Variants in FBXW2 observed in about 807,000 individuals in gnomAD.
The protein encoded by FBXW2 is F-box/WD repeat-containing protein 2.
A neutral mutation model predicts 46.0 loss-of-function variants in FBXW2; 12 were observed. That is an observed-to-expected ratio of 0.26 (90% CI 0.17 to 0.42). FBXW2 has a LOEUF of 0.42. Among genes scored for constraint, FBXW2 ranks in the 10% least tolerant of loss-of-function variants. FBXW2 has a pLI of 1.00. For missense variants in FBXW2, 360 were observed against 537.0 expected (o/e 0.67, Z 3.26); for synonymous variants, 203 against 209.6 (o/e 0.97, Z 0.27).
chr9:120,758,918 A>G lies in FBXW2; in HGVS notation c.*5641T>C, dbSNP rs1413832884. ...GCAAAATGGGACTTTTACCCACCCCATCCCTTCATTTGCAACTATTCATGA... is the reference window on the plus strand; with the variant it reads ...GCAAAATGGGACTTTTACCCACCCCGTCCCTTCATTTGCAACTATTCATGA... On this transcript the variant is annotated 3_prime_UTR_variant, in exon 8 of 8. Transcript: ENST00000608872. 2.6e-5 allele frequency: 4 copies of G among 152,142 alleles called. No individual in the cohort carries two copies. The highest frequency in any genetic ancestry group is 9.7e-5 in the African/African-American group (4 of 41,430). The allele number at this position is 152,142 out of a possible 1,614,324, so 9.4% of individuals were successfully genotyped here. A position where few individuals can be genotyped will look rare whatever the true frequency, so the allele number is the denominator to read the frequency against.
In FBXW2 at chr9:120,770,133, T is replaced by C. The variant is rs1050057797; in HGVS notation, c.1076+1215A>G. Among the ~76,000 whole-genome samples, 3 of 152,054 alleles carry C rather than the reference T, an allele frequency of 2.0e-5. No individual in the cohort carries two copies. In the East Asian group the frequency reaches 5.8e-4, roughly 29 times the overall value. Reference sequence around the variant, plus strand: ...GGCTCACGCATGTAATCCCAGCACTTTGGGAGGCCGAGGCGGGTGGATCAC... The same window carrying C: ...GGCTCACGCATGTAATCCCAGCACTCTGGGAGGCCGAGGCGGGTGGATCAC... On this transcript the variant is annotated intron_variant, in intron 7 of 7. Transcript: ENST00000608872.
chr9:120,789,908 TTC>T (rs1261228976), intron 2 of FBXW2, among the ~76,000 whole-genome samples: 1 of 152,232 alleles, frequency 6.6e-6, no homozygotes, highest in African/African-American at 2.4e-5. Flanking sequence ...GATAATACGT[TTC>T]AAGCCAAAGT....
intron 7 of FBXW2, 137 bp downstream of exon 7, chr9:120,771,211 C>G (rs1281723759): frequency 1.4e-6 from 1 of 698,188 alleles, no homozygotes; most frequent in East Asian, 2.8e-5. Context: ...GTATATATAA[C>G]CCTGTTTACA....
intron 3 of FBXW2, among the ~76,000 whole-genome samples, chr9:120,786,405 C>T (rs1361596917): frequency 2.0e-5 from 3 of 152,210 alleles, no homozygotes; most frequent in African/African-American, 4.8e-5. Flanking sequence ...GCTTCCCCTT[C>T]GCCTTCCGCC....
In FBXW2 at chr9:120,778,491, T is replaced by A; in HGVS notation, c.545A>T (p.Tyr182Phe). Reference protein sequence around the residue: ...LWDVSTGQCVYGIQTHTCAAV... With the variant: ...LWDVSTGQCVFGIQTHTCAAV... ...TGCACAAGTGTGGGTCTGGATGCCA[T>A]AAACGCACTGCCCTGTGCTCACATC... Residue 182 changes from tyrosine to phenylalanine, a missense_variant, in exon 4 of 8, where the codon TAT (tyrosine) becomes TTT (phenylalanine). Transcript: ENST00000608872. 3.1e-6 allele frequency: 5 copies of A among 1,614,100 alleles called. No homozygotes were observed. The highest frequency in any genetic ancestry group is 4.2e-6 in the Non-Finnish European group (5 of 1,180,016).
At chr9:120,765,091 CAA>C (rs991423666) in intron 7 of FBXW2, among the ~76,000 whole-genome samples, 9 of 149,414 alleles carry the variant, frequency 6.0e-5, no homozygotes, top group Non-Finnish European at 1.0e-4. Context: ...GGTGTTTGAT[CAA>C]AGTTTTTTTT....
At chr9:120,780,354 CAAAAA>C (rs564191309) in intron 3 of FBXW2, among the ~76,000 whole-genome samples, 1 of 65,480 alleles carries the variant, frequency 1.5e-5, no homozygotes, top group Non-Finnish European at 3.3e-5. Flanking sequence ...GACTCTGTTT[CAAAAA>C]AAAAAAAAAA....
At chr9:120,779,536 T>C (rs890980752) in intron 3 of FBXW2, among the ~76,000 whole-genome samples, 6 of 152,232 alleles carry the variant, frequency 3.9e-5, no homozygotes, top group Admixed American at 3.9e-4. Flanking sequence ...AAAACTATGA[T>C]AGCATACTGA....
intron 2 of FBXW2, chr9:120,792,678 T>G: frequency 3.7e-6 from 1 of 270,818 alleles, no homozygotes. Flanking sequence ...TCACTTCACC[T>G]GTCTCATGCC....
intron 7 of FBXW2, among the ~76,000 whole-genome samples, chr9:120,768,250 C>A (rs1028511375): frequency 1.5e-4 from 23 of 152,190 alleles, no homozygotes; most frequent in African/African-American, 5.3e-4. Flanking sequence ...CTCTTAGAAG[C>A]CTTCCCTTAC....
intron 3 of FBXW2, among the ~76,000 whole-genome samples, chr9:120,783,951 C>G (rs1207822224): frequency 2.0e-5 from 3 of 152,130 alleles, no homozygotes; most frequent in Non-Finnish European, 2.9e-5. Flanking sequence ...CCAATTCCAC[C>G]ACAATGAGAA....
rs779689388 is a variant in FBXW2, at chr9:120,759,043, G to A, written c.*5516C>T. The A allele has an allele frequency of 6.6e-6, 1 of 152,136 alleles. No individual in the cohort carries two copies. Among genetic ancestry groups the A allele is most frequent in the Non-Finnish European group, 1.5e-5 (1 of 68,028 alleles). The allele number at this position is 152,136 out of a possible 1,614,324, so 9.4% of individuals were successfully genotyped here. A position where few individuals can be genotyped will look rare whatever the true frequency, so the allele number is the denominator to read the frequency against. ...TTGTTGAGTTTACCTTCTAGAAGAT[G>A]CAGAAACAGTAAAAAAACAGAGCCA... On this transcript the variant is annotated 3_prime_UTR_variant, in exon 8 of 8. Coordinates refer to ENST00000608872, the MANE Select transcript of FBXW2 (RefSeq NM_012164.4).
chr9:120,778,588 C>A, intron 3 of FBXW2, 43 bp from the exon 4 acceptor site: 1 of 1,540,726 alleles, frequency 6.5e-7, no homozygotes, highest in Non-Finnish European at 8.9e-7. Context: ...AACAAACACA[C>A]TAAAGAAGGA....
At chr9:120,785,682 A>T (rs1398111750) in intron 3 of FBXW2, among the ~76,000 whole-genome samples, 1 of 152,144 alleles carries the variant, frequency 6.6e-6, no homozygotes, top group African/African-American at 2.4e-5. Context: ...AAGTTACTTA[A>T]CACTATATTG....
chr9:120,778,587 A>G, intron 3 of FBXW2, 42 bp from the exon 4 acceptor site: 1 of 1,544,098 alleles, frequency 6.5e-7, no homozygotes, highest in Non-Finnish European at 8.9e-7. Context: ...AAACAAACAC[A>G]CTAAAGAAGG....
In FBXW2 at chr9:120,781,675, C is replaced by CACACACACAT. The variant is rs761941263; in HGVS notation, c.491-3131_491-3130insATGTGTGTGT. Among the ~76,000 whole-genome samples the CACACACACAT allele has an allele frequency of 1.3e-3, 188 of 146,328 alleles. 1 individual carries two copies. The South Asian group carries it at 0.017, about 13-fold the overall frequency. ...ACACACACACACACACACACACACA[C>CACACACACAT]ATACACACACACACATATATACATA... On this transcript the variant is annotated intron_variant, in intron 3 of 7. Transcript: ENST00000608872.
intron 7 of FBXW2, 73 bp from the exon 8 acceptor site, chr9:120,764,920 G>T: frequency 1.6e-6 from 2 of 1,221,422 alleles, no homozygotes; most frequent in Non-Finnish European, 2.3e-6. Flanking sequence ...AATCTTTTCT[G>T]GAGATATTTA....
intron 2 of FBXW2, 58 bp downstream of exon 2, chr9:120,793,091 A>G: frequency 2.5e-6 from 2 of 796,630 alleles, no homozygotes; most frequent in Non-Finnish European, 4.1e-6. Flanking sequence ...GATCCCATCA[A>G]CCCATTCGTT....
chr9:120,786,723 T>C (rs2131368940), intron 3 of FBXW2, among the ~76,000 whole-genome samples: 1 of 152,346 alleles, frequency 6.6e-6, no homozygotes, highest in African/African-American at 2.4e-5. Context: ...GCATTGGGAT[T>C]ATTAGCAAGA....
Sources: allele counts gnomAD v4.1 joint callset (sites outside exome capture counted in the v4.1 genomes callset), GRCh38; gene constraint gnomAD v4.1.1; transcripts MANE v1.5; gene names NCBI Gene and HGNC (gene_info 2026-07-23, HGNC 2026-07-21).